Variants in RGS6 observed in about 807,000 individuals in gnomAD.
RGS6 encodes regulator of G-protein signaling 6.
A neutral mutation model predicts 78.5 loss-of-function variants in RGS6; 30 were observed. That is an observed-to-expected ratio of 0.38 (90% CI 0.29 to 0.52). The LOEUF (loss-of-function observed/expected upper bound fraction) is 0.52. RGS6 is among the 20% of genes least tolerant of loss of function. RGS6 has a pLI of 0.85. For missense variants in RGS6, 495 were observed against 609.7 expected (o/e 0.81, Z 1.98); for synonymous variants, 206 against 206.0 (o/e 1.00, Z 0.00).
At chr14:72,088,931 C>A (rs934888072) in intron 2 of RGS6, among the ~76,000 whole-genome samples, 2 of 152,228 alleles carry the variant, frequency 1.3e-5, no homozygotes, top group African/African-American at 2.4e-5. Flanking sequence ...TAGGTCTTCG[C>A]AAAGCTTACA....
chr14:71,872,639 A>G, the RGS6 span, among the ~76,000 whole-genome samples: 2 of 152,226 alleles, frequency 1.3e-5, no homozygotes, highest in East Asian at 1.9e-4. Context: ...TTTGTGAATA[A>G]TTATACTTCT....
chr14:72,424,790 T>C (rs2094362281), intron 3 of RGS6, among the ~76,000 whole-genome samples: 1 of 152,248 alleles, frequency 6.6e-6, no homozygotes, highest in South Asian at 2.1e-4. Context: ...TCCAGGCATC[T>C]GAGTTCTGGG....
At chr14:72,077,246 A>AT (rs2094610998) in intron 2 of RGS6, among the ~76,000 whole-genome samples, 1 of 152,058 alleles carries the variant, frequency 6.6e-6, no homozygotes, top group Admixed American at 6.6e-5. Flanking sequence ...ATGTGTATGA[A>AT]TTCCATCTTA....
At chr14:72,141,445 C>T (rs1238895250) in intron 2 of RGS6, among the ~76,000 whole-genome samples, 1 of 152,156 alleles carries the variant, frequency 6.6e-6, no homozygotes, top group Non-Finnish European at 1.5e-5. Flanking sequence ...TAATAGTGCC[C>T]CAGTGGGCAC....
At chr14:72,606,743 G>T in the RGS6 span, among the ~76,000 whole-genome samples, 2 of 152,334 alleles carry the variant, frequency 1.3e-5, no homozygotes, top group African/African-American at 4.8e-5. Flanking sequence ...GGAAGTGTTT[G>T]GGTCGTGGGG....
chr14:72,224,364 G>T (rs760054570), intron 2 of RGS6, among the ~76,000 whole-genome samples: 7 of 152,138 alleles, frequency 4.6e-5, no homozygotes, highest in Admixed American at 2.0e-4. Context: ...GTTCTCGTGG[G>T]CAAGATGGTG....
the RGS6 span, among the ~76,000 whole-genome samples, chr14:72,618,493 T>C: frequency 2.0e-5 from 3 of 152,150 alleles, no homozygotes; most frequent in African/African-American, 7.2e-5. Flanking sequence ...CCATGACTGG[T>C]CTCACCTAAA....
rs184631097 is a variant in RGS6, at chr14:72,352,536, T to C, written c.184+342T>C. 2.7e-4 allele frequency among the ~76,000 whole-genome samples: 41 copies of C among 152,276 alleles called. 1 individual carries two copies. The East Asian group carries it at 6.2e-3, about 23-fold the overall frequency. ...GAAATTAAACAGGTTTTTAAGAAAG[T>C]GTTATATTCAAATTCTACAAAATGC... On this transcript the variant is annotated intron_variant, in intron 3 of 17. Transcript: ENST00000553525.
intron 3 of RGS6, among the ~76,000 whole-genome samples, chr14:72,405,714 C>A (rs1183311813): frequency 6.6e-6 from 1 of 152,208 alleles, no homozygotes; most frequent in Non-Finnish European, 1.5e-5. Context: ...AACAACCAGA[C>A]TTTTGGGGAA....
chr14:72,547,099 C>T, intron 17 of RGS6: 1 of 1,414,404 alleles, frequency 7.1e-7, no homozygotes, highest in Non-Finnish European at 9.6e-7. Flanking sequence ...GGGCCCCCCG[C>T]AGGATAAACA....
chr14:72,485,976 T>C (rs1190130435), intron 12 of RGS6, among the ~76,000 whole-genome samples: 2 of 152,318 alleles, frequency 1.3e-5, no homozygotes, highest in East Asian at 1.9e-4. Flanking sequence ...GAATTGTAGT[T>C]CCCATAATCC....
At chr14:72,308,166 G>A (rs1477215496) in intron 2 of RGS6, among the ~76,000 whole-genome samples, 1 of 152,080 alleles carries the variant, frequency 6.6e-6, no homozygotes, top group African/African-American at 2.4e-5. Context: ...TCTTTCTCTT[G>A]TTTATTTTGG....
the RGS6 span, among the ~76,000 whole-genome samples, chr14:71,915,598 A>G: frequency 6.6e-6 from 1 of 152,118 alleles, no homozygotes; most frequent in Non-Finnish European, 1.5e-5. Context: ...TATGTCAGTT[A>G]TGGGAGACTC....
rs144530402 is a variant in RGS6 at position 72,175,388 on chromosome 14, A to G, written c.85-176707A>G. 2.5e-3 allele frequency among the ~76,000 whole-genome samples: 383 copies of G among 152,302 alleles called. 5 individuals carry two copies. Among genetic ancestry groups the G allele is most frequent in the Middle Eastern group, 0.014 (4 of 294 alleles). ...GTTTCATAGCCTGTACCAATAATCA[A>G]CTTTTCTTTCCCCTGAAGACAAAGT... On this transcript the variant is annotated intron_variant, in intron 2 of 17. Coordinates refer to ENST00000553525, the MANE Select transcript of RGS6 (RefSeq NM_001204424.2).
chr14:72,457,408 A>T (rs2095659879), intron 4 of RGS6, among the ~76,000 whole-genome samples: 2 of 152,208 alleles, frequency 1.3e-5, no homozygotes, highest in Non-Finnish European at 2.9e-5. Flanking sequence ...TGTGTGGTAG[A>T]AGCATTGAGG....
intron 13 of RGS6, among the ~76,000 whole-genome samples, chr14:72,501,941 C>T (rs763817006): frequency 4.6e-5 from 7 of 152,184 alleles, no homozygotes; most frequent in East Asian, 1.9e-4. Context: ...ACTATTAATC[C>T]GGAATATTAG....
At chr14:72,612,303 G>C in the RGS6 span, among the ~76,000 whole-genome samples, 3 of 152,128 alleles carry the variant, frequency 2.0e-5, no homozygotes, top group Non-Finnish European at 4.4e-5. Flanking sequence ...AGACGCATTG[G>C]TGAGCCAGGG....
At chr14:72,370,245 A>T (rs1596356059) in intron 3 of RGS6, among the ~76,000 whole-genome samples, 1 of 152,128 alleles carries the variant, frequency 6.6e-6, no homozygotes, top group African/African-American at 2.4e-5. Context: ...ACATCCATAG[A>T]TATGATGGTG....
At chr14:72,410,089 T>C (rs1036251556) in intron 3 of RGS6, among the ~76,000 whole-genome samples, 2 of 152,228 alleles carry the variant, frequency 1.3e-5, no homozygotes, top group African/African-American at 4.8e-5. Flanking sequence ...AGTAATGGGA[T>C]GGCTGGGTCA....
Sources: gnomAD v4.1 joint callset for allele counts (sites outside exome capture counted in the v4.1 genomes callset) on GRCh38, gnomAD v4.1.1 for gene constraint, MANE v1.5 for transcripts, NCBI Gene and HGNC (gene_info 2026-07-23, HGNC 2026-07-21) for gene names.